KCNK2: variants seen among roughly 807,000 people sequenced by gnomAD.
KCNK2 encodes the protein potassium two pore domain channel subfamily K member 2, also known as potassium channel subfamily K member 2.
Under a neutral mutation model 40.5 loss-of-function variants are expected in KCNK2, and 21 were observed. The observed-to-expected ratio is 0.52, with a 90% CI of 0.37 to 0.75. KCNK2 has a LOEUF of 0.75. KCNK2 is among the 30% of genes least tolerant of loss of function. The pLI is 0.00. For synonymous variants in KCNK2, 191 were observed against 202.2 expected (o/e 0.94, Z 0.47); for missense variants, 399 against 531.6 (o/e 0.75, Z 2.45).
intron 6 of KCNK2, among the ~76,000 whole-genome samples, chr1:215,216,887 A>C (rs1395430445): frequency 6.6e-6 from 1 of 152,188 alleles, no homozygotes; most frequent in Non-Finnish European, 1.5e-5. Context: ...GCACAGCTAT[A>C]GACTAAGATC....
At chr1:215,213,344 C>A (rs545974874) in intron 6 of KCNK2, among the ~76,000 whole-genome samples, 3 of 152,192 alleles carry the variant, frequency 2.0e-5, no homozygotes, top group Non-Finnish European at 2.9e-5. Context: ...CGCAGTGGCT[C>A]ACGCCTGTAA....
intron 3 of KCNK2, among the ~76,000 whole-genome samples, chr1:215,156,102 T>C (rs1044537752): frequency 2.6e-5 from 4 of 151,794 alleles, no homozygotes; most frequent in Admixed American, 6.6e-5. Flanking sequence ...TATAATGTAA[T>C]CAATCAGTCT....
At chr1:215,135,285 C>A (rs1303224573) in intron 3 of KCNK2, among the ~76,000 whole-genome samples, 6 of 152,006 alleles carry the variant, frequency 3.9e-5, no homozygotes, top group Non-Finnish European at 5.9e-5. Context: ...TGATTCTGGG[C>A]AAATCACAGT....
intron 3 of KCNK2, 52 bp from the exon 4 acceptor site, chr1:215,169,147 A>T: frequency 7.0e-7 from 1 of 1,434,772 alleles, no homozygotes; most frequent in Non-Finnish European, 9.5e-7. Context: ...TCTTGAGTTC[A>T]TATGTTTTAA....
At chr1:215,007,033 A>ATGTGTGTGTG (rs1408452470) in intron 1 of KCNK2, among the ~76,000 whole-genome samples, 6 of 60,342 alleles carry the variant, frequency 9.9e-5, no homozygotes, top group African/African-American at 4.0e-4. Flanking sequence ...ATATATATAT[A>ATGTGTGTGTG]TATATGTGTG....
intron 2 of KCNK2, among the ~76,000 whole-genome samples, chr1:215,113,961 G>A (rs1434119981): frequency 1.3e-5 from 2 of 152,112 alleles, no homozygotes; most frequent in African/African-American, 2.4e-5. Flanking sequence ...AGTGTAGTTA[G>A]TCATCTCCTA....
In KCNK2 at chr1:215,196,958, G is replaced by A. The variant is rs1371664677; in HGVS notation, c.963+1866G>A. Among the ~76,000 whole-genome samples the A allele has an allele frequency of 2.6e-5, 4 of 152,034 alleles. No homozygotes were observed. In the East Asian group the frequency reaches 7.7e-4, roughly 29 times the overall value. The stretch of plus-strand genomic sequence containing the variant: ...AGCAGAACCTATTTCATACGGTCAG[G>A]TAGTTAGGAAAAGTATTGTTTTGCG... On this transcript the variant is annotated intron_variant, in intron 6 of 6. Transcript: ENST00000444842.
At chr1:215,186,335 G>A (rs145939160) in intron 5 of KCNK2, among the ~76,000 whole-genome samples, 95 of 151,958 alleles carry the variant, frequency 6.3e-4, no homozygotes, top group Admixed American at 1.2e-3. Flanking sequence ...GTCTTGCTGC[G>A]GTGGGCTATG....
chr1:215,031,409 G>A (rs61820015), intron 1 of KCNK2, among the ~76,000 whole-genome samples: 1,533 of 152,184 alleles, frequency 0.01, 25 homozygotes, highest in South Asian at 0.074. Flanking sequence ...CATGAGTTTT[G>A]CCATTTTCTT....
intron 1 of KCNK2, among the ~76,000 whole-genome samples, chr1:215,047,101 T>C (rs532829146): frequency 6.6e-6 from 1 of 152,224 alleles, no homozygotes; most frequent in African/African-American, 2.4e-5. Context: ...AGCATCATAA[T>C]AGGAAATTAT....
chr1:215,013,295 T>C (rs1656473758), intron 1 of KCNK2, among the ~76,000 whole-genome samples: 1 of 152,212 alleles, frequency 6.6e-6, no homozygotes, highest in Admixed American at 6.5e-5. Context: ...AGTTGACCTG[T>C]ATACCATAAT....
chr1:215,007,044 T>C (rs1435833306), intron 1 of KCNK2, among the ~76,000 whole-genome samples: 1 of 124,958 alleles, frequency 8.0e-6, no homozygotes, highest in Non-Finnish European at 1.7e-5. Context: ...TATATGTGTG[T>C]GTGTGTATAT....
At chr1:215,179,049 C>T (rs1664112928) in intron 5 of KCNK2, among the ~76,000 whole-genome samples, 1 of 151,076 alleles carries the variant, frequency 6.6e-6, no homozygotes, top group Non-Finnish European at 1.5e-5. Flanking sequence ...TTAGTCTGTT[C>T]AGGGTTTTAA....
At chr1:215,178,926 C>G (rs1218430106) in intron 5 of KCNK2, among the ~76,000 whole-genome samples, 1 of 151,876 alleles carries the variant, frequency 6.6e-6, no homozygotes, top group African/African-American at 2.4e-5. Context: ...GGATTTGTAC[C>G]AGCTCTTCTT....
At position 215,172,199 on chromosome 1, in the gene KCNK2, C is replaced by T. The variant is rs1163545410; in HGVS notation, c.823+16C>T. On this transcript the variant is annotated intron_variant, in intron 5 of 6. Transcript: ENST00000444842. Reference sequence around the variant, plus strand: ...TACGTTGCAGGTAAGCTTTTCCTGGCATCCATGTTACTCTTCTAACAGGGG... The same window carrying T: ...TACGTTGCAGGTAAGCTTTTCCTGGTATCCATGTTACTCTTCTAACAGGGG... 6.2e-7 allele frequency: 1 copy of T among 1,600,430 alleles called. No individual in the cohort carries two copies. The highest frequency in any genetic ancestry group is 8.5e-7 in the Non-Finnish European group (1 of 1,170,676).
intron 1 of KCNK2, among the ~76,000 whole-genome samples, chr1:215,018,388 G>A (rs1656666015): frequency 1.3e-5 from 2 of 152,236 alleles, no homozygotes; most frequent in African/African-American, 4.8e-5. Context: ...TAATTATAGG[G>A]TCTTGTGATT....
At chr1:215,231,041 T>A (rs965759151) in intron 6 of KCNK2, among the ~76,000 whole-genome samples, 9 of 152,322 alleles carry the variant, frequency 5.9e-5, no homozygotes, top group African/African-American at 2.2e-4. Context: ...TACATGTTCC[T>A]GTTTCCTGTG....
chr1:215,144,271 G>A (rs1571661735), intron 3 of KCNK2, among the ~76,000 whole-genome samples: 1 of 152,110 alleles, frequency 6.6e-6, no homozygotes, highest in East Asian at 1.9e-4. Flanking sequence ...TTTTAAAAAT[G>A]GTAATGGATA....
At chr1:215,219,749 T>A (rs1666098749) in intron 6 of KCNK2, among the ~76,000 whole-genome samples, 1 of 152,244 alleles carries the variant, frequency 6.6e-6, no homozygotes, top group Admixed American at 6.5e-5. Context: ...GTTTGTTTAT[T>A]TATGTGAATA....
Sources: gnomAD v4.1 joint callset for allele counts (sites outside exome capture counted in the v4.1 genomes callset) on GRCh38, gnomAD v4.1.1 for gene constraint, MANE v1.5 for transcripts, NCBI Gene and HGNC (gene_info 2026-07-23, HGNC 2026-07-21) for gene names.